SDK2: variants seen among roughly 807,000 people sequenced by gnomAD.
SDK2 encodes the protein sidekick cell adhesion molecule 2, also known as protein sidekick-2.
In SDK2, 105 loss-of-function variants were observed where a neutral mutation model predicts 253.9. That is an observed-to-expected ratio of 0.41 (90% CI 0.35 to 0.49). The LOEUF is 0.49. SDK2 is among the 20% of genes least tolerant of loss of function. The probability of loss-of-function intolerance (pLI) is 0.06; values close to 1 mark genes in which losing one functional copy is unlikely to be tolerated. For missense variants in SDK2, 2,608 were observed against 3,003.0 expected, an observed-to-expected ratio of 0.87 and a Z score of 3.07; for synonymous variants, 1,249 against 1,234.9, an observed-to-expected ratio of 1.01 and a Z score of -0.24.
chr17:73,601,137 A>C lies in SDK2; in HGVS notation c.64+42888T>G, dbSNP rs1285941171. Among the ~76,000 whole-genome samples, 3 of 151,556 alleles carry C rather than the reference A, an allele frequency of 2.0e-5. No homozygotes were observed. The East Asian group carries it at 5.8e-4, about 29-fold the overall frequency. On this transcript the variant is annotated intron_variant, in intron 1 of 44. Coordinates refer to ENST00000392650, the MANE Select transcript of SDK2 (RefSeq NM_001144952.2). Reference sequence around the variant, plus strand: ...CAGGTTCAAACAATTCTCCTGTCTCAGCCTCCCGAGTAGCTGGGAATACAG... The same window carrying C: ...CAGGTTCAAACAATTCTCCTGTCTCCGCCTCCCGAGTAGCTGGGAATACAG...
chr17:73,561,755 T>C (rs79549866), intron 1 of SDK2, among the ~76,000 whole-genome samples: 3 of 152,286 alleles, frequency 2.0e-5, no homozygotes, highest in Non-Finnish European at 4.4e-5. Context: ...GTTCCAGGGC[T>C]GGATGAAGGG....
intron 3 of SDK2, among the ~76,000 whole-genome samples, chr17:73,468,968 G>T (rs1174373680): frequency 1.3e-5 from 2 of 151,858 alleles, no homozygotes. Flanking sequence ...GGGATTAAAG[G>T]TGCATGCCAC....
chr17:73,473,832 CA>C (rs2063668422), intron 2 of SDK2, among the ~76,000 whole-genome samples: 1 of 152,092 alleles, frequency 6.6e-6, no homozygotes, highest in Non-Finnish European at 1.5e-5. Context: ...ACCAACCAAC[CA>C]GAAAGCAAAC....
chr17:73,567,666 C>A (rs995901496), intron 1 of SDK2, among the ~76,000 whole-genome samples: 2 of 152,240 alleles, frequency 1.3e-5, no homozygotes, highest in African/African-American at 4.8e-5. Flanking sequence ...GGAGCCCAAC[C>A]CTCACACCAG....
Position 73,562,338 on chromosome 17 carries a change from A to G in SDK2, c.65-54741T>C, listed in dbSNP as rs566176698. On this transcript the variant is annotated intron_variant, in intron 1 of 44. Transcript: ENST00000392650. ...TTGCATTAATTTGCATTTTAAAAAT[A>G]TTACATTCAAATATCATTTGTTTAA... Among the ~76,000 whole-genome samples, 32 of 152,340 alleles carry G rather than the reference A, an allele frequency of 2.1e-4. 1 individual carries two copies. The South Asian group carries it at 6.6e-3, about 32-fold the overall frequency.
Position 73,336,738 on chromosome 17 carries a change from A to T in SDK2, c.*1849T>A, listed in dbSNP as rs888543252. On this transcript the variant is annotated 3_prime_UTR_variant, in exon 45 of 45. Coordinates refer to ENST00000392650, the MANE Select transcript of SDK2 (RefSeq NM_001144952.2). Reference sequence around the variant, plus strand: ...TTGAACTCTGCTCACCCACCCCAACAGAGCATCATCTCTTGGGCAGGGCCA... The same window carrying T: ...TTGAACTCTGCTCACCCACCCCAACTGAGCATCATCTCTTGGGCAGGGCCA... The T allele has an allele frequency of 6.5e-6, 1 of 152,800 alleles. No individual in the cohort carries two copies. Among genetic ancestry groups the T allele is most frequent in the Non-Finnish European group, 1.5e-5 (1 of 68,200 alleles). 9.5% of individuals were successfully genotyped at this position (152,800 alleles called of 1,614,324 possible). A position where few individuals can be genotyped will look rare whatever the true frequency, so the allele number is the denominator to read the frequency against.
chr17:73,551,420 G>A (rs1211576208), intron 1 of SDK2, among the ~76,000 whole-genome samples: 1 of 152,230 alleles, frequency 6.6e-6, no homozygotes, highest in African/African-American at 2.4e-5. Context: ...GACGGTCTAA[G>A]TGAGCCCAGG....
intron 15 of SDK2, among the ~76,000 whole-genome samples, chr17:73,421,069 C>G (rs915411069): frequency 6.6e-6 from 1 of 152,240 alleles, no homozygotes; most frequent in Non-Finnish European, 1.5e-5. Flanking sequence ...TGCAGGGTAG[C>G]TTCCCCTACA....
chr17:73,592,768 A>G (rs1599708782), intron 1 of SDK2, among the ~76,000 whole-genome samples: 1 of 152,340 alleles, frequency 6.6e-6, no homozygotes, highest in Non-Finnish European at 1.5e-5. Flanking sequence ...GAAGGAGGAC[A>G]GGAACGGAGG....
At chr17:73,357,963 T>C (rs1248122460) in intron 40 of SDK2, 116 bp downstream of exon 40, 13 of 1,487,180 alleles carry the variant, frequency 8.7e-6, no homozygotes, top group Non-Finnish European at 1.2e-5. Context: ...ACTTCACCTG[T>C]AGTAGCACAA....
chr17:73,601,694 C>A (rs1013365507), intron 1 of SDK2, among the ~76,000 whole-genome samples: 2 of 152,098 alleles, frequency 1.3e-5, no homozygotes, highest in Non-Finnish European at 2.9e-5. Flanking sequence ...CCAGAAGGAA[C>A]CAACCCTGCC....
chr17:73,438,302 G>A (rs1013008315), intron 6 of SDK2, 148 bp from the exon 7 acceptor site: 2 of 699,364 alleles, frequency 2.9e-6, no homozygotes, highest in Non-Finnish European at 4.7e-6. Flanking sequence ...GCAAGATCTT[G>A]GGCAAGTTCC....
intron 5 of SDK2, among the ~76,000 whole-genome samples, chr17:73,441,279 G>A (rs1039509779): frequency 1.3e-5 from 2 of 150,442 alleles, no homozygotes; most frequent in Admixed American, 6.7e-5. Context: ...GTTTAGTTCT[G>A]CATTGTCCAC....
intron 1 of SDK2, among the ~76,000 whole-genome samples, chr17:73,624,916 G>C (rs1391221317): frequency 6.6e-6 from 1 of 152,196 alleles, no homozygotes; most frequent in Non-Finnish European, 1.5e-5. Flanking sequence ...ATCCAGCCTT[G>C]CAGGATTTTC....
intron 1 of SDK2, among the ~76,000 whole-genome samples, chr17:73,563,840 A>G (rs2145855674): frequency 6.6e-6 from 1 of 151,724 alleles, no homozygotes; most frequent in Non-Finnish European, 1.5e-5. Context: ...TGGCACCATC[A>G]TGGCTTACTG....
In SDK2 at chr17:73,438,292, G is replaced by C. The variant is rs191046476; in HGVS notation, c.726-138C>G. 16 of 738,862 alleles carry C rather than the reference G, an allele frequency of 2.2e-5. No individual in the cohort carries two copies. The Admixed American group carries it at 4.2e-4, about 20-fold the overall frequency. 45.8% of individuals were successfully genotyped at this position (738,862 alleles called of 1,614,324 possible). ...GCCACCTTCCTGCCACTTTGTAGAT[G>C]CAAGATCTTGGGCAAGTTCCCACAG... On this transcript the variant is annotated intron_variant, in intron 6 of 44. Transcript: ENST00000392650.
intron 44 of SDK2, among the ~76,000 whole-genome samples, chr17:73,347,396 A>G (rs1479484178): frequency 1.3e-5 from 2 of 152,184 alleles, no homozygotes; most frequent in South Asian, 2.1e-4. Flanking sequence ...TGTCCCCCAC[A>G]ATAAGTTCCT....
chr17:73,358,616 G>A (rs1473385624), intron 39 of SDK2, among the ~76,000 whole-genome samples: 1 of 152,114 alleles, frequency 6.6e-6, no homozygotes, highest in African/African-American at 2.4e-5. Flanking sequence ...GGATGGTGGG[G>A]AATAGAGGTG....
At chr17:73,634,159 C>T (rs926542155) in intron 1 of SDK2, among the ~76,000 whole-genome samples, 1 of 152,138 alleles carries the variant, frequency 6.6e-6, no homozygotes, top group Non-Finnish European at 1.5e-5. Flanking sequence ...AGAGGCCAGC[C>T]CAGGGTGCCC....
Sources: gnomAD v4.1 joint callset for allele counts (sites outside exome capture counted in the v4.1 genomes callset) on GRCh38, gnomAD v4.1.1 for gene constraint, MANE v1.5 for transcripts, NCBI Gene and HGNC (gene_info 2026-07-23, HGNC 2026-07-21) for gene names.